ACTR3C: variants seen among roughly 807,000 people sequenced by gnomAD.
ACTR3C encodes the protein actin related protein 3C.
ACTR3C carries 18 observed loss-of-function variants against 26.3 expected under a neutral mutation model. That is an observed-to-expected ratio of 0.68 (90% CI 0.47 to 1.01). The LOEUF is 1.01. Ranked by LOEUF, ACTR3C falls within the 50% of genes least tolerant of loss-of-function variation. The pLI, the probability that ACTR3C is intolerant of heterozygous loss-of-function variation, is 0.00. For synonymous variants in ACTR3C, 55 were observed against 94.5 expected (o/e 0.58, Z 2.42); for missense variants, 184 against 250.7 (o/e 0.73, Z 1.80).
the ACTR3C span, among the ~76,000 whole-genome samples, chr7:149,892,884 T>G: frequency 0.021 from 3,169 of 150,340 alleles, 103 homozygotes; most frequent in African/African-American, 0.072. Context: ...CCGTTAAAAT[T>G]TATCCCATTA....
the ACTR3C span, among the ~76,000 whole-genome samples, chr7:150,062,914 A>G: frequency 6.6e-6 from 1 of 152,082 alleles, no homozygotes; most frequent in Non-Finnish European, 1.5e-5. Flanking sequence ...CAGGGTGAAT[A>G]GGGAAAGGGC....
At chr7:150,173,733 T>C in the ACTR3C span, among the ~76,000 whole-genome samples, 8 of 138,214 alleles carry the variant, frequency 5.8e-5, no homozygotes, top group Non-Finnish European at 9.0e-5. Context: ...CTTATAAAAC[T>C]GAATGTCTTT....
the ACTR3C span, among the ~76,000 whole-genome samples, chr7:149,925,410 G>A: frequency 3.3e-5 from 5 of 152,288 alleles, no homozygotes; most frequent in South Asian, 8.3e-4. Flanking sequence ...ACATGGGAAA[G>A]CCCTAAAAAG....
At chr7:150,055,535 C>G in the ACTR3C span, among the ~76,000 whole-genome samples, 1 of 147,364 alleles carries the variant, frequency 6.8e-6, no homozygotes, top group African/African-American at 2.5e-5. Flanking sequence ...TATTCAGAAT[C>G]AAAAAAGAAT....
chr7:150,310,615 C>T (rs1480825469), intron 1 of ACTR3C, among the ~76,000 whole-genome samples: 4 of 152,006 alleles, frequency 2.6e-5, no homozygotes, highest in African/African-American at 7.3e-5. Flanking sequence ...CCTTCTTTAC[C>T]ATCCCCTTGC....
At chr7:149,887,632 T>C in the ACTR3C span, among the ~76,000 whole-genome samples, 2 of 152,132 alleles carry the variant, frequency 1.3e-5, no homozygotes, top group African/African-American at 4.8e-5. Flanking sequence ...AAAGGTGAAA[T>C]GTGAGGAGCA....
chr7:149,908,928 C>A, the ACTR3C span, among the ~76,000 whole-genome samples: 1 of 152,040 alleles, frequency 6.6e-6, no homozygotes, highest in South Asian at 2.1e-4. Context: ...ATTACAGGCA[C>A]GCACCACCAC....
At chr7:150,184,424 G>A in the ACTR3C span, among the ~76,000 whole-genome samples, 11 of 150,588 alleles carry the variant, frequency 7.3e-5, 3 homozygotes, top group African/African-American at 2.8e-4. Flanking sequence ...TCTGTTCCAT[G>A]TCTATGGACC....
At chr7:149,946,847 C>T in the ACTR3C span, among the ~76,000 whole-genome samples, 1 of 152,270 alleles carries the variant, frequency 6.6e-6, no homozygotes, top group South Asian at 2.1e-4. Context: ...GCTGTAGTTT[C>T]AAGCGATGCT....
the ACTR3C span, among the ~76,000 whole-genome samples, chr7:149,942,112 G>A: frequency 9.1e-4 from 135 of 149,026 alleles, no homozygotes; most frequent in African/African-American, 3.4e-3. Context: ...GAGCTTTGGT[G>A]TGTGTGCAGG....
the ACTR3C span, among the ~76,000 whole-genome samples, chr7:150,012,458 G>A: frequency 1.3e-5 from 2 of 151,804 alleles, no homozygotes; most frequent in East Asian, 3.9e-4. Context: ...GGGACTACAG[G>A]CGCCCACCAC....
At chr7:150,209,264 AACAG>A in the ACTR3C span, among the ~76,000 whole-genome samples, 104 of 144,046 alleles carry the variant, frequency 7.2e-4, 8 homozygotes, top group Middle Eastern at 3.5e-3. Flanking sequence ...GAGAGACAGA[AACAG>A]AGAGAGAGAG....
At chr7:150,288,731 C>T (rs184406862) in intron 4 of ACTR3C, among the ~76,000 whole-genome samples, 74 of 145,782 alleles carry the variant, frequency 5.1e-4, no homozygotes, top group African/African-American at 1.7e-3. Context: ...GAAGGGACCA[C>T]GTCTTCCCCA....
chr7:150,100,551 G>A, the ACTR3C span, among the ~76,000 whole-genome samples: 2 of 151,792 alleles, frequency 1.3e-5, no homozygotes, highest in African/African-American at 2.4e-5. Flanking sequence ...TGTGCTCAAA[G>A]AAAATATTAT....
At chr7:149,918,685 C>T in the ACTR3C span, among the ~76,000 whole-genome samples, 1 of 152,054 alleles carries the variant, frequency 6.6e-6, no homozygotes. Flanking sequence ...AGCAAAACTC[C>T]ATCTCAAAAA....
chr7:150,209,956 T>G, the ACTR3C span, among the ~76,000 whole-genome samples: 2 of 147,706 alleles, frequency 1.4e-5, no homozygotes, highest in Non-Finnish European at 3.0e-5. Context: ...ATAGACTATA[T>G]ACCCCTATAG....
downstream of ACTR3C, among the ~76,000 whole-genome samples, chr7:150,243,192 C>G (rs1370627559): frequency 6.6e-6 from 1 of 151,954 alleles, no homozygotes; most frequent in East Asian, 1.9e-4. Context: ...TATTCTAAAG[C>G]CTATTGTGAA....
the ACTR3C span, among the ~76,000 whole-genome samples, chr7:150,038,850 CCAGGGGCTGGCTCTCAGTCCCTG>C: frequency 8.7e-6 from 1 of 114,824 alleles, no homozygotes; most frequent in African/African-American, 3.6e-5. Flanking sequence ...AGTGGGGGAA[CCAGGGGCTGGCTCTCAGTCCCTG>C]CCTCGCGGGG....
the ACTR3C span, among the ~76,000 whole-genome samples, chr7:150,029,397 C>CAAAAAAAAAAAAAAACAAAAAACA: frequency 0.013 from 452 of 35,298 alleles, 5 homozygotes; most frequent in African/African-American, 0.054. Flanking sequence ...CAATCTTTAT[C>CAAAAAAAAAAAAAAACAAAAAACA]AAAAACAAAA....
Sources: gnomAD v4.1 joint callset for allele counts (sites outside exome capture counted in the v4.1 genomes callset) on GRCh38, gnomAD v4.1.1 for gene constraint, MANE v1.5 for transcripts, NCBI Gene and HGNC (gene_info 2026-07-23, HGNC 2026-07-21) for gene names.